Variants in GABRB2 observed in about 807,000 individuals in gnomAD.
The protein encoded by GABRB2 is gamma-aminobutyric acid type A receptor subunit beta2.
GABRB2 carries 16 observed loss-of-function variants against 54.7 expected under a neutral mutation model. The observed-to-expected ratio is 0.29, with a 90% CI of 0.20 to 0.44. GABRB2 has a LOEUF of 0.44. Ranked by LOEUF, GABRB2 falls within the 20% of genes least tolerant of loss-of-function variation. The probability of loss-of-function intolerance (pLI) is 1.00; values close to 1 mark genes in which losing one functional copy is unlikely to be tolerated. For synonymous variants in GABRB2, 244 were observed against 233.8 expected (o/e 1.04, Z -0.40); for missense variants, 355 against 644.0 (o/e 0.55, Z 4.86).
chr5:161,423,171 G>A (rs1168609896), intron 4 of GABRB2, among the ~76,000 whole-genome samples: 2 of 151,892 alleles, frequency 1.3e-5, no homozygotes, highest in African/African-American at 4.8e-5. Context: ...TTTCTCTTTT[G>A]CTTAGTGATG....
At position 161,530,150 on chromosome 5, in the gene GABRB2, A is replaced by G. The variant is rs544394905; in HGVS notation, c.237+15077T>C. 3.9e-5 allele frequency among the ~76,000 whole-genome samples: 6 copies of G among 152,250 alleles called. No homozygotes were observed. In the East Asian group the frequency reaches 1.2e-3, roughly 29 times the overall value. On this transcript the variant is annotated intron_variant, in intron 3 of 9. Transcript: ENST00000393959. ...GAGTGCACTATGCACTAAAACAACA[A>G]CAAAACAGGAAACCCAGAGCTCCAG...
At chr5:161,440,612 A>T (rs112639706) in intron 4 of GABRB2, among the ~76,000 whole-genome samples, 27 of 152,296 alleles carry the variant, frequency 1.8e-4, no homozygotes, top group Non-Finnish European at 3.1e-4. Flanking sequence ...GCAAACAGAG[A>T]TATAGGCCCC....
intron 5 of GABRB2, among the ~76,000 whole-genome samples, chr5:161,342,232 G>A (rs986068508): frequency 1.3e-5 from 2 of 151,668 alleles, no homozygotes; most frequent in African/African-American, 2.4e-5. Context: ...ATCTCAAAAC[G>A]TGCATAAATT....
Position 161,455,279 on chromosome 5 carries a change from C to T in GABRB2, c.458+4345G>A, listed in dbSNP as rs762264177. On this transcript the variant is annotated intron_variant, in intron 4 of 9. Coordinates refer to ENST00000393959, the MANE Select transcript of GABRB2 (RefSeq NM_001371727.1). ...TGGCTGACGAGCTTTGAGCACCCCT[C>T]TCCGGATAATGGATCAGCCTGGCTA... Among the ~76,000 whole-genome samples the T allele has an allele frequency of 9.7e-4, 147 of 152,256 alleles. 3 individuals are homozygous for T. Among genetic ancestry groups the T allele is most frequent in the Admixed American group, 1.8e-3 (28 of 15,296 alleles).
At chr5:161,531,693 T>C (rs1333139999) in intron 3 of GABRB2, among the ~76,000 whole-genome samples, 1 of 151,840 alleles carries the variant, frequency 6.6e-6, no homozygotes, top group East Asian at 1.9e-4. Flanking sequence ...CCAACTGTAA[T>C]CTTCCATTAT....
chr5:161,404,885 C>T (rs1301442495), intron 5 of GABRB2, among the ~76,000 whole-genome samples: 1 of 152,100 alleles, frequency 6.6e-6, no homozygotes, highest in Non-Finnish European at 1.5e-5. Context: ...AACCCTTAAC[C>T]TACAGCTACT....
At chr5:161,417,588 T>C (rs1756716529) in intron 4 of GABRB2, among the ~76,000 whole-genome samples, 1 of 152,254 alleles carries the variant, frequency 6.6e-6, no homozygotes, top group Non-Finnish European at 1.5e-5. Flanking sequence ...TTAGAAATTC[T>C]ATAATCCCAT....
intron 6 of GABRB2, among the ~76,000 whole-genome samples, chr5:161,336,376 T>C (rs576330227): frequency 6.6e-6 from 1 of 152,112 alleles, no homozygotes; most frequent in East Asian, 1.9e-4. Context: ...TCCTGTATTC[T>C]TTCTAAAAAT....
chr5:161,504,305 T>C (rs1328092356), intron 3 of GABRB2, among the ~76,000 whole-genome samples: 3 of 152,156 alleles, frequency 2.0e-5, no homozygotes, highest in East Asian at 3.8e-4. Flanking sequence ...TGCAAGGATA[T>C]TCAATGAGTC....
intron 4 of GABRB2, among the ~76,000 whole-genome samples, chr5:161,411,814 TTATA>T (rs202054186): frequency 6.7e-6 from 1 of 149,492 alleles, no homozygotes. Context: ...CATTTAGAGT[TTATA>T]TATATATATA....
At chr5:161,319,676 C>T (rs561437359) in intron 9 of GABRB2, among the ~76,000 whole-genome samples, 5 of 151,504 alleles carry the variant, frequency 3.3e-5, no homozygotes, top group Admixed American at 2.0e-4. Context: ...CGTTATGTGA[C>T]CATCTAAATC....
At position 161,294,021 on chromosome 5, in the gene GABRB2, C is replaced by G; in HGVS notation, c.*60G>C. 1 of 1,289,040 alleles carries G rather than the reference C, an allele frequency of 7.8e-7. No homozygotes were observed. The highest frequency in any genetic ancestry group is 1.1e-6 in the Non-Finnish European group (1 of 907,576). 79.9% of individuals were successfully genotyped at this position (1,289,040 alleles called of 1,614,324 possible). ...TTGATGTGTTTTCCAAGTCCTACATCAGGCTGTACAACTGGTTTGAGGAGG... is the reference window on the plus strand; with the variant it reads ...TTGATGTGTTTTCCAAGTCCTACATGAGGCTGTACAACTGGTTTGAGGAGG... On this transcript the variant is annotated 3_prime_UTR_variant, in exon 10 of 10. Coordinates refer to ENST00000393959, the MANE Select transcript of GABRB2 (RefSeq NM_001371727.1).
chr5:161,541,167 CTT>C (rs34004032), intron 3 of GABRB2, among the ~76,000 whole-genome samples: 13 of 143,466 alleles, frequency 9.1e-5, no homozygotes, highest in Admixed American at 2.1e-4. Flanking sequence ...CAGTAAGAAT[CTT>C]TTTTTTTTTT....
At chr5:161,418,159 C>A (rs1047565309) in intron 4 of GABRB2, among the ~76,000 whole-genome samples, 1 of 152,164 alleles carries the variant, frequency 6.6e-6, no homozygotes, top group Non-Finnish European at 1.5e-5. Context: ...TAAATAGCAT[C>A]CTGTGGAATC....
At chr5:161,458,550 G>T (rs936764382) in intron 4 of GABRB2, among the ~76,000 whole-genome samples, 3 of 152,332 alleles carry the variant, frequency 2.0e-5, no homozygotes, top group Non-Finnish European at 4.4e-5. Flanking sequence ...AAATAAAAAT[G>T]AGATAGAATA....
At chr5:161,485,153 G>A (rs774127081) in intron 3 of GABRB2, among the ~76,000 whole-genome samples, 2 of 151,964 alleles carry the variant, frequency 1.3e-5, no homozygotes, top group Middle Eastern at 3.4e-3. Flanking sequence ...GTCTAAGGAC[G>A]GACTCCTCAC....
chr5:161,312,573 A>G (rs1445357055), intron 9 of GABRB2, among the ~76,000 whole-genome samples: 1 of 152,184 alleles, frequency 6.6e-6, no homozygotes, highest in African/African-American at 2.4e-5. Flanking sequence ...CAGGTTTGCC[A>G]CTAACTAGCT....
rs571793927 is a variant in GABRB2, at chr5:161,442,456, G to C, written c.458+17168C>G. Among the ~76,000 whole-genome samples, 7 of 152,306 alleles carry C rather than the reference G, an allele frequency of 4.6e-5. No homozygotes were observed. In the East Asian group the frequency reaches 1.4e-3, roughly 29 times the overall value. ...GAAGCAGCCCTTTTACTGGCCTGTA[G>C]CCATATGGAAAACTTAATGGAAACC... is the stretch of plus-strand genomic sequence containing the variant. On this transcript the variant is annotated intron_variant, in intron 4 of 9. Coordinates refer to ENST00000393959, the MANE Select transcript of GABRB2 (RefSeq NM_001371727.1).
intron 4 of GABRB2, among the ~76,000 whole-genome samples, chr5:161,413,778 T>C (rs376848375): frequency 2.0e-4 from 31 of 152,262 alleles, no homozygotes; most frequent in African/African-American, 7.5e-4. Flanking sequence ...GATATGAAAG[T>C]TACAAGGACA....
Sources: gnomAD v4.1 joint callset for allele counts (sites outside exome capture counted in the v4.1 genomes callset) on GRCh38, gnomAD v4.1.1 for gene constraint, MANE v1.5 for transcripts, NCBI Gene and HGNC (gene_info 2026-07-23, HGNC 2026-07-21) for gene names.